Variants in ERICH3 observed in about 807,000 individuals in gnomAD.
ERICH3 encodes the protein glutamate rich 3.
Under a neutral mutation model 131.1 loss-of-function variants are expected in ERICH3, and 126 were observed. That is an observed-to-expected ratio of 0.96 (90% CI 0.83 to 1.11). The LOEUF (loss-of-function observed/expected upper bound fraction) is 1.11, where lower values mean the gene tolerates loss of function less well. Among genes scored for constraint, ERICH3 ranks in the 50% most tolerant of loss-of-function variants. ERICH3 has a pLI of 0.00. For synonymous variants in ERICH3, 695 were observed against 644.6 expected, an observed-to-expected ratio of 1.08 and a Z score of -1.18; for missense variants, 2,050 against 1,810.7, an observed-to-expected ratio of 1.13 and a Z score of -2.40.
intron 11 of ERICH3, among the ~76,000 whole-genome samples, chr1:74,593,981 A>G (rs1420497633): frequency 6.6e-6 from 1 of 152,094 alleles, no homozygotes; most frequent in African/African-American, 2.4e-5. Flanking sequence ...ACTGACAGAC[A>G]GGAAATTGTT....
intron 11 of ERICH3, among the ~76,000 whole-genome samples, chr1:74,594,781 A>G (rs926438476): frequency 2.0e-5 from 3 of 152,058 alleles, no homozygotes; most frequent in Admixed American, 2.0e-4. Flanking sequence ...ACCAGACCTG[A>G]CCTTAGTTTT....
At chr1:74,612,241 T>G (rs1648732150) in intron 9 of ERICH3, among the ~76,000 whole-genome samples, 1 of 152,176 alleles carries the variant, frequency 6.6e-6, no homozygotes, top group Non-Finnish European at 1.5e-5. Context: ...GGCACACACT[T>G]TAAGGCTCAG....
chr1:74,660,616 G>GTGTGTATATATATACACA (rs1012930904), intron 1 of ERICH3, among the ~76,000 whole-genome samples: 6 of 143,326 alleles, frequency 4.2e-5, no homozygotes, highest in Admixed American at 7.1e-5. Context: ...TATATATATA[G>GTGTGTATATATATACACA]TGTGTATATA....
chr1:74,671,898 T>C (rs1185201436), intron 1 of ERICH3, among the ~76,000 whole-genome samples: 1 of 152,210 alleles, frequency 6.6e-6, no homozygotes, highest in African/African-American at 2.4e-5. Flanking sequence ...TGGTGCCTAC[T>C]TTTCAGGAGC....
intron 1 of ERICH3, among the ~76,000 whole-genome samples, chr1:74,657,774 T>C (rs899301356): frequency 1.3e-5 from 2 of 152,142 alleles, no homozygotes; most frequent in Admixed American, 6.5e-5. Flanking sequence ...GGAGACACAC[T>C]AAGTTTGACC....
chr1:74,581,918 G>C (rs1481776913), intron 12 of ERICH3, among the ~76,000 whole-genome samples: 1 of 152,182 alleles, frequency 6.6e-6, no homozygotes, highest in African/African-American at 2.4e-5. Context: ...AGAAAGGAAA[G>C]GAAAGTGGGG....
chr1:74,663,640 AAG>A lies in ERICH3; in HGVS notation c.23+9855_23+9856del, dbSNP rs1249846438. On this transcript the variant is annotated intron_variant, in intron 1 of 14. Transcript: ENST00000326665. Reference sequence around the variant, plus strand: ...TTTTTGTTAAAAAAAAAAAAAAAAAAAGAAGTCTTCTTTTTACCCATCTGTTT... The same window carrying A: ...TTTTTGTTAAAAAAAAAAAAAAAAAAAAGTCTTCTTTTTACCCATCTGTTT... 5.4e-5 allele frequency among the ~76,000 whole-genome samples: 8 copies of A among 148,508 alleles called. 1 individual carries two copies. Among genetic ancestry groups the A allele is most frequent in the African/African-American group, 2.0e-4 (8 of 40,938 alleles).
intron 8 of ERICH3, among the ~76,000 whole-genome samples, chr1:74,614,573 A>G (rs1318662135): frequency 1.3e-5 from 2 of 150,568 alleles, no homozygotes. Context: ...GCTACTCGGG[A>G]GGCTGAGGCA....
chr1:74,599,860 C>T lies in ERICH3; in HGVS notation c.1561G>A (p.Val521Ile), dbSNP rs1482364280. The T allele has an allele frequency of 6.2e-7, 1 of 1,612,384 alleles. No homozygotes were observed. The highest frequency in any genetic ancestry group is 1.1e-5 in the South Asian group (1 of 91,008). The change falls in exon 11 of 15, where the codon GTT (valine) becomes ATT (isoleucine). Residue 521 changes from valine (V) to isoleucine (I), a missense_variant. Val to Ile is a conservative substitution (Grantham distance 29, BLOSUM62 3). Coordinates refer to ENST00000326665, the MANE Select transcript of ERICH3 (RefSeq NM_001002912.5). ...GACTGCGGTATTCCATTCATTTGAA[C>T]ATCAGCCTGTCCTTCTTCATTAGAT... ...EKSNEEGQADVQMNGIPQSPL... is the reference protein window; with the variant it reads ...EKSNEEGQADIQMNGIPQSPL...
At chr1:74,623,286 C>A (rs914821921) in intron 7 of ERICH3, 1 of 152,164 alleles carries the variant, frequency 6.6e-6, no homozygotes, top group African/African-American at 2.4e-5. Flanking sequence ...TACAACTGAG[C>A]TGATAAAGAA....
At chr1:74,641,776 T>C (rs1355989658) in intron 4 of ERICH3, among the ~76,000 whole-genome samples, 1 of 152,130 alleles carries the variant, frequency 6.6e-6, no homozygotes, top group Non-Finnish European at 1.5e-5. Flanking sequence ...ATAGTACTTT[T>C]CTATCTTAGA....
rs533198887 is a variant in ERICH3 at position 74,572,310 on chromosome 1, C to G, written c.3400G>C (p.Ala1134Pro). Reference protein sequence around the residue: ...SDAENEAPVEASELSDNPGLL... With the variant: ...SDAENEAPVEPSELSDNPGLL... ...CCTGGATTGTCAGACAACTCAGAAG[C>G]CTCCACAGGTGCTTCGTTCTCAGCA... The change falls in exon 14 of 15, where the codon GCT (alanine) becomes CCT (proline). Residue 1134 changes from alanine to proline, a missense_variant. Coordinates refer to ENST00000326665, the MANE Select transcript of ERICH3 (RefSeq NM_001002912.5). 3 of 1,613,970 alleles carry G rather than the reference C, an allele frequency of 1.9e-6. No individual in the cohort carries two copies. The highest frequency in any genetic ancestry group is 1.3e-5 in the African/African-American group (1 of 75,040).
At chr1:74,588,259 C>T (rs1647425095) in intron 12 of ERICH3, among the ~76,000 whole-genome samples, 1 of 152,140 alleles carries the variant, frequency 6.6e-6, no homozygotes, top group South Asian at 2.1e-4. Context: ...TTTTAACAAA[C>T]AGGACTTCTC....
chr1:74,614,658 G>C (rs12088992), intron 8 of ERICH3, among the ~76,000 whole-genome samples: 3,722 of 149,112 alleles, frequency 0.025, 176 homozygotes, highest in African/African-American at 0.087. Flanking sequence ...GCCTGGGAGT[G>C]AGAGTGAGAC....
At chr1:74,673,302 G>A (rs890135772) in intron 1 of ERICH3, among the ~76,000 whole-genome samples, 195 bp downstream of exon 1, 3 of 152,136 alleles carry the variant, frequency 2.0e-5, no homozygotes, top group African/African-American at 7.2e-5. Flanking sequence ...AAACGAAGAA[G>A]GGGAGGGAGG....
chr1:74,627,223 A>G (rs1649447950), intron 7 of ERICH3, among the ~76,000 whole-genome samples: 2 of 152,144 alleles, frequency 1.3e-5, no homozygotes, highest in East Asian at 1.9e-4. Flanking sequence ...GAAGATGACT[A>G]CATCTTGAAT....
intron 12 of ERICH3, among the ~76,000 whole-genome samples, chr1:74,583,366 T>C (rs1010138204): frequency 7.2e-5 from 11 of 152,172 alleles, no homozygotes; most frequent in African/African-American, 2.4e-4. Context: ...TGCCTCCTTA[T>C]AATAAAGTTT....
At chr1:74,653,804 C>T (rs1015023122) in intron 1 of ERICH3, among the ~76,000 whole-genome samples, 1 of 152,044 alleles carries the variant, frequency 6.6e-6, no homozygotes, top group Non-Finnish European at 1.5e-5. Context: ...TAACTCTACC[C>T]TCATCTCTCC....
At chr1:74,600,720 C>T (rs1180459455) in intron 10 of ERICH3, among the ~76,000 whole-genome samples, 1 of 151,804 alleles carries the variant, frequency 6.6e-6, no homozygotes, top group Non-Finnish European at 1.5e-5. Context: ...TTTAACTGTT[C>T]CCCTTTTTCT....
Sources: gnomAD v4.1 joint callset for allele counts (sites outside exome capture counted in the v4.1 genomes callset) on GRCh38, gnomAD v4.1.1 for gene constraint, MANE v1.5 for transcripts, NCBI Gene and HGNC (gene_info 2026-07-23, HGNC 2026-07-21) for gene names.